FRMPD4: variants seen among roughly 807,000 people sequenced by gnomAD.
FRMPD4 encodes FERM and PDZ domain-containing protein 4.
In FRMPD4, 22 loss-of-function variants were observed where a neutral mutation model predicts 94.1. The ratio of observed to expected loss-of-function variants is 0.23; its 90% confidence interval spans 0.17 to 0.33. The LOEUF is 0.33. Ranked by LOEUF, FRMPD4 falls within the 10% of genes least tolerant of loss-of-function variation. The probability of loss-of-function intolerance (pLI) is 1.00; values close to 1 mark genes in which losing one functional copy is unlikely to be tolerated. For synonymous variants in FRMPD4, 631 were observed against 548.6 expected (o/e 1.15, Z -2.10); for missense variants, 1,111 against 1,339.9 (o/e 0.83, Z 2.67).
At chrX:12,418,090 C>T (rs955498722) in intron 1 of FRMPD4, among the ~76,000 whole-genome samples, 2 of 109,758 alleles carry the variant, frequency 1.8e-5, no homozygotes, top group African/African-American at 3.3e-5. Flanking sequence ...CTCGTGACAC[C>T]GAAAAGGTTC....
At chrX:12,566,992 T>C (rs964564543) in intron 2 of FRMPD4, among the ~76,000 whole-genome samples, 1 of 111,477 alleles carries the variant, frequency 9.0e-6, no homozygotes, top group African/African-American at 3.3e-5. Flanking sequence ...AAATTAATGT[T>C]GTTTTCCTTC....
intron 1 of FRMPD4, among the ~76,000 whole-genome samples, chrX:12,469,912 A>G (rs747781437): frequency 1.8e-5 from 2 of 112,467 alleles, no homozygotes; most frequent in South Asian, 7.4e-4. Context: ...ACATACAGCA[A>G]TGAGGACACT....
At chrX:12,325,893 G>T (rs986646161) in intron 1 of FRMPD4, among the ~76,000 whole-genome samples, 2 of 112,293 alleles carry the variant, frequency 1.8e-5, no homozygotes. Flanking sequence ...AAATGAATAA[G>T]TATGTTGACT....
At chrX:12,527,348 T>C (rs2058234941) in intron 2 of FRMPD4, among the ~76,000 whole-genome samples, 1 of 111,771 alleles carries the variant, frequency 8.9e-6, no homozygotes, top group Admixed American at 9.5e-5. Context: ...TTTAGCCTCA[T>C]TTTTCCCTTC....
At position 12,114,561 on chromosome X, in the gene FRMPD4, A is replaced by G. The variant is rs182704444; in HGVS notation, c.95+236543A>G. Among the ~76,000 whole-genome samples, 42 of 112,224 alleles carry G rather than the reference A, an allele frequency of 3.7e-4. No homozygotes were observed. The East Asian group carries it at 7.5e-3, about 20-fold the overall frequency. ...TTCATATTTCAATCTCATATTTTTA[A>G]ATTGAAATATGATTTTATCAGGCCA... On this transcript the variant is annotated intron_variant, in intron 3 of 18. Transcript: ENST00000640291.
chrX:11,829,940 G>T (rs1291046510), intron 1 of FRMPD4, among the ~76,000 whole-genome samples: 1 of 112,053 alleles, frequency 8.9e-6, no homozygotes, highest in African/African-American at 3.2e-5. Flanking sequence ...TGGACAAATT[G>T]CAGACAAGTT....
At chrX:12,175,606 A>G (rs1194078328) in intron 1 of FRMPD4, among the ~76,000 whole-genome samples, 1 of 111,963 alleles carries the variant, frequency 8.9e-6, no homozygotes, top group African/African-American at 3.3e-5. Flanking sequence ...TGCAACCTCC[A>G]CAGTTCAAGC....
At chrX:12,032,079 T>C (rs752989449) in intron 3 of FRMPD4, among the ~76,000 whole-genome samples, 83 of 111,625 alleles carry the variant, frequency 7.4e-4, no homozygotes, top group African/African-American at 2.7e-3. Flanking sequence ...AACGAAAAAA[T>C]ATATACAAAA....
At chrX:12,105,941 C>T (rs971435293) in intron 3 of FRMPD4, among the ~76,000 whole-genome samples, 89 of 112,037 alleles carry the variant, frequency 7.9e-4, no homozygotes, top group African/African-American at 2.6e-3. Flanking sequence ...AGAGAGTGAA[C>T]ATATTTTAAT....
intron 3 of FRMPD4, among the ~76,000 whole-genome samples, chrX:12,011,784 A>G (rs1245947602): frequency 2.7e-5 from 3 of 112,017 alleles, no homozygotes; most frequent in Non-Finnish European, 5.6e-5. Flanking sequence ...ACATAAATAT[A>G]AGACATTGTT....
intron 1 of FRMPD4, among the ~76,000 whole-genome samples, chrX:12,204,964 A>G (rs1393692669): frequency 1.8e-5 from 2 of 110,398 alleles, no homozygotes; most frequent in Non-Finnish European, 3.8e-5. Flanking sequence ...TCTTTGTTCA[A>G]TTGCTTCATG....
chrX:12,684,306 G>T lies in FRMPD4; in HGVS notation c.573+719G>T, dbSNP rs73198282. Reference sequence around the variant, plus strand: ...TGGACCTTTGAAATGCCAGAGCGTTGGTGTTCTGTTGGTATTGTTTAAATA... The same window carrying T: ...TGGACCTTTGAAATGCCAGAGCGTTTGTGTTCTGTTGGTATTGTTTAAATA... On this transcript the variant is annotated intron_variant, in intron 6 of 16. Transcript: ENST00000675598. Among the ~76,000 whole-genome samples the T allele has an allele frequency of 3.9e-3, 437 of 112,096 alleles. 2 individuals carry two copies. Among genetic ancestry groups the T allele is most frequent in the Middle Eastern group, 4.6e-3 (1 of 219 alleles).
intron 2 of FRMPD4, among the ~76,000 whole-genome samples, chrX:12,500,731 C>T (rs1470958109): frequency 1.8e-5 from 2 of 111,288 alleles, no homozygotes; most frequent in African/African-American, 6.5e-5. Flanking sequence ...GGCTCAAACC[C>T]CAGAGTTTGA....
intron 5 of FRMPD4, among the ~76,000 whole-genome samples, chrX:12,679,450 G>A (rs1258819805): frequency 2.7e-5 from 3 of 111,579 alleles, no homozygotes; most frequent in Admixed American, 9.5e-5. Context: ...TGCCTTTATC[G>A]GGGGTCAGGG....
At chrX:12,149,798 G>C (rs1569170072) in intron 1 of FRMPD4, among the ~76,000 whole-genome samples, 1 of 111,947 alleles carries the variant, frequency 8.9e-6, no homozygotes, top group Non-Finnish European at 1.9e-5. Flanking sequence ...AATCTTTCAT[G>C]AAAGAGTCAG....
intron 1 of FRMPD4, among the ~76,000 whole-genome samples, chrX:12,166,492 G>A (rs1459620612): frequency 1.8e-5 from 2 of 111,436 alleles, no homozygotes; most frequent in African/African-American, 3.3e-5. Flanking sequence ...TGTTCATCAA[G>A]GATATTGGTC....
At chrX:12,090,554 C>T (rs2055145434) in intron 3 of FRMPD4, among the ~76,000 whole-genome samples, 1 of 110,475 alleles carries the variant, frequency 9.1e-6, no homozygotes, top group Admixed American at 9.8e-5. Context: ...TAAGACTCCA[C>T]TTTTTTCCGA....
chrX:12,015,764 G>C (rs768247385), intron 3 of FRMPD4, among the ~76,000 whole-genome samples: 2 of 112,066 alleles, frequency 1.8e-5, no homozygotes, highest in East Asian at 5.6e-4. Context: ...CTATCATCCT[G>C]TTTCTGTTCC....
At chrX:12,385,225 T>C (rs190657798) in intron 1 of FRMPD4, among the ~76,000 whole-genome samples, 1 of 112,844 alleles carries the variant, frequency 8.9e-6, no homozygotes, top group Non-Finnish European at 1.9e-5. Context: ...CGGAGGGTGG[T>C]GCCTTGGCAC....
Sources: gnomAD v4.1 joint callset for allele counts (sites outside exome capture counted in the v4.1 genomes callset) on GRCh38, gnomAD v4.1.1 for gene constraint, MANE v1.5 for transcripts, NCBI Gene and HGNC (gene_info 2026-07-23, HGNC 2026-07-21) for gene names.